The following DOK7 variants were observed in gnomAD, a reference collection of about 807,000 sequenced individuals.
DOK7 encodes the protein protein Dok-7.
Under a neutral mutation model 30.7 loss-of-function variants are expected in DOK7, and 32 were observed. The observed-to-expected ratio is 1.04, with a 90% CI of 0.79 to 1.40. The LOEUF is 1.40. DOK7 is among the 40% of genes most tolerant of loss of function. The pLI is 0.00. For missense variants in DOK7, 1,007 were observed against 699.2 expected, an observed-to-expected ratio of 1.44 and a Z score of -4.97; for synonymous variants, 447 against 324.1, an observed-to-expected ratio of 1.38 and a Z score of -4.07.
chr4:3,467,187 A>ACCCCC (rs397740016), intron 2 of DOK7, among the ~76,000 whole-genome samples: 1 of 143,138 alleles, frequency 7.0e-6, no homozygotes, highest in Non-Finnish European at 1.5e-5. Context: ...GTGGGCGGGG[A>ACCCCC]CCCCCCCCAC....
rs548434452 is a variant in DOK7, at chr4:3,483,800, G to A, written c.533-1739G>A. On this transcript the variant is annotated intron_variant, in intron 4 of 6. Transcript: ENST00000340083. ...GGGGTGGACCACGGGGACAGGGAGCGACTGCCTGGCACTGAGTGAGCCAGC... is the reference window on the plus strand; with the variant it reads ...GGGGTGGACCACGGGGACAGGGAGCAACTGCCTGGCACTGAGTGAGCCAGC... Among the ~76,000 whole-genome samples the A allele has an allele frequency of 1.3e-3, 191 of 152,336 alleles. 1 individual carries two copies. The highest frequency in any genetic ancestry group is 6.8e-3 in the Middle Eastern group (2 of 294).
At chr4:3,476,185 A>C (rs1727053412) in intron 3 of DOK7, among the ~76,000 whole-genome samples, 157 bp from the exon 4 acceptor site, 2 of 80,600 alleles carry the variant, frequency 2.5e-5, no homozygotes, top group Admixed American at 1.3e-4. Flanking sequence ...CCCACCCTCG[A>C]TGCCCTCTCA....
chr4:3,488,049 C>G (rs1265501048), intron 5 of DOK7, among the ~76,000 whole-genome samples: 1 of 152,256 alleles, frequency 6.6e-6, no homozygotes, highest in Non-Finnish European at 1.5e-5. Flanking sequence ...GGACTGATGC[C>G]TGAGCTGGCA....
chr4:3,475,467 G>C (rs1474674690), intron 3 of DOK7, among the ~76,000 whole-genome samples: 1 of 152,240 alleles, frequency 6.6e-6, no homozygotes, highest in African/African-American at 2.4e-5. Flanking sequence ...GGAGGCTGCT[G>C]TCTGCCTGGT....
At chr4:3,490,503 C>CTT (rs1728255561) in intron 6 of DOK7, among the ~76,000 whole-genome samples, 1 of 126,656 alleles carries the variant, frequency 7.9e-6, no homozygotes, top group African/African-American at 3.2e-5. Flanking sequence ...CCTTTTCCCC[C>CTT]TGCTCATTCT....
In DOK7 at chr4:3,486,431, T is replaced by C. The variant is rs566643398; in HGVS notation, c.652+773T>C. Among the ~76,000 whole-genome samples the C allele has an allele frequency of 3.9e-5, 6 of 152,340 alleles. No homozygotes were observed. The East Asian group carries it at 1.2e-3, about 29-fold the overall frequency. On this transcript the variant is annotated intron_variant, in intron 5 of 6. Transcript: ENST00000340083. ...GGCGGGTGAGCAGCAAGCTCACATG[T>C]GGCGCCTCCTGGCACTGGCACCCCC...
chr4:3,476,587 C>A (rs1560212955), intron 4 of DOK7, 45 bp downstream of exon 4: 2 of 1,611,004 alleles, frequency 1.2e-6, no homozygotes, highest in East Asian at 2.2e-5. Context: ...CAGCACCCCC[C>A]ACTTCCCCTG....
At position 3,493,608 on chromosome 4, in the gene DOK7, A is replaced by G; in HGVS notation, c.*107A>G. ...AGACTGGTGCTCTGTGTTCTGTGGGAGGGACCGGGGGTCTCCCGGAGAGGG... is the reference window on the plus strand; with the variant it reads ...AGACTGGTGCTCTGTGTTCTGTGGGGGGGACCGGGGGTCTCCCGGAGAGGG... On this transcript the variant is annotated 3_prime_UTR_variant, in exon 7 of 7. Transcript: ENST00000340083. 1 of 1,523,782 alleles carries G rather than the reference A, an allele frequency of 6.6e-7. No homozygotes were observed. Among genetic ancestry groups the G allele is most frequent in the African/African-American group, 1.4e-5 (1 of 72,254 alleles). The allele number at this position is 1,523,782 out of a possible 1,614,324, so 94.4% of individuals were successfully genotyped here.
downstream of DOK7, chr4:3,496,947 T>A: frequency 6.3e-6 from 1 of 158,718 alleles, no homozygotes; most frequent in Non-Finnish European, 1.1e-5. Flanking sequence ...AGAGTTTGAC[T>A]AGATGGGGAG....
downstream of DOK7, among the ~76,000 whole-genome samples, chr4:3,497,690 G>A (rs1004324674): frequency 6.6e-6 from 1 of 151,782 alleles, no homozygotes; most frequent in Non-Finnish European, 1.5e-5. Context: ...GCCTGGAGAG[G>A]ACACCCAGGG....
intron 2 of DOK7, among the ~76,000 whole-genome samples, chr4:3,470,101 G>A (rs1441386451): frequency 6.6e-6 from 1 of 152,232 alleles, no homozygotes; most frequent in East Asian, 1.9e-4. Flanking sequence ...CTCCCTCCAG[G>A]CTTCCCAGAG....
At chr4:3,492,070 T>C (rs777963135) in intron 6 of DOK7, among the ~76,000 whole-genome samples, 4 of 152,074 alleles carry the variant, frequency 2.6e-5, no homozygotes, top group Non-Finnish European at 5.9e-5. Context: ...TGCTTTCCAT[T>C]TGGGAGCCCT....
At chr4:3,479,284 A>G (rs1727299268) in intron 4 of DOK7, among the ~76,000 whole-genome samples, 1 of 152,166 alleles carries the variant, frequency 6.6e-6, no homozygotes, top group Non-Finnish European at 1.5e-5. Context: ...CTTAGGGCCC[A>G]CCTGGATGAC....
intron 2 of DOK7, among the ~76,000 whole-genome samples, chr4:3,471,558 G>T (rs1219061029): frequency 6.6e-6 from 1 of 152,244 alleles, no homozygotes; most frequent in Admixed American, 6.5e-5. Flanking sequence ...GCTGTCCTCC[G>T]GCTCAAGCGG....
downstream of DOK7, among the ~76,000 whole-genome samples, chr4:3,494,658 A>AGGCAGCTCCG (rs1444431295): frequency 2.0e-5 from 3 of 149,474 alleles, no homozygotes; most frequent in African/African-American, 4.9e-5. Context: ...GTGTGCGGAG[A>AGGCAGCTCCG]GGCAGCTCCG....
At chr4:3,468,499 TG>T (rs933869246) in intron 2 of DOK7, among the ~76,000 whole-genome samples, 13 of 148,104 alleles carry the variant, frequency 8.8e-5, no homozygotes, top group Admixed American at 8.7e-4. Flanking sequence ...TGAGTGTGCA[TG>T]TGCGTGTGTG....
chr4:3,500,263 C>A (rs1207812751), exon 7 of DOK7: 1 of 1,535,762 alleles, frequency 6.5e-7, no homozygotes, highest in Non-Finnish European at 8.7e-7. Flanking sequence ...TCCCCAGGAC[C>A]CGTGGCTGTG....
chr4:3,498,184 A>T (rs1378454326), downstream of DOK7, among the ~76,000 whole-genome samples: 1 of 152,118 alleles, frequency 6.6e-6, no homozygotes, highest in African/African-American at 2.4e-5. Flanking sequence ...TGCTTCACTG[A>T]AAGAGTATCC....
At chr4:3,497,819 C>T (rs1479481424), downstream of DOK7, among the ~76,000 whole-genome samples, 2 of 152,094 alleles carry the variant, frequency 1.3e-5, no homozygotes, top group East Asian at 1.9e-4. Context: ...GGCTGGACAC[C>T]GATCCCTGCA....
Sources: allele counts gnomAD v4.1 joint callset (sites outside exome capture counted in the v4.1 genomes callset), GRCh38; gene constraint gnomAD v4.1.1; transcripts MANE v1.5; gene names NCBI Gene and HGNC (gene_info 2026-07-23, HGNC 2026-07-21).